DLC1: variants seen among roughly 807,000 people sequenced by gnomAD.
DLC1 encodes the protein DLC1 Rho GTPase activating protein, also known as rho GTPase-activating protein 7.
In DLC1, 54 loss-of-function variants were observed where a neutral mutation model predicts 140.3. The ratio of observed to expected loss-of-function variants is 0.38; its 90% CI spans 0.31 to 0.48. The LOEUF (loss-of-function observed/expected upper bound fraction) is 0.48, where lower values mean the gene tolerates loss of function less well. DLC1 is among the 20% of genes least tolerant of loss of function. The pLI, the probability that DLC1 is intolerant of heterozygous loss-of-function variation, is 0.96. For missense variants in DLC1, 2,536 were observed against 1,907.0 expected (o/e 1.33, Z -6.14); for synonymous variants, 986 against 728.1 (o/e 1.35, Z -5.70).
intron 2 of DLC1, among the ~76,000 whole-genome samples, chr8:13,432,476 A>C (rs555512351): frequency 6.6e-6 from 1 of 152,170 alleles, no homozygotes; most frequent in Admixed American, 6.5e-5. Context: ...CAATATTATA[A>C]CTCATATACA....
At chr8:13,552,951 GA>G (rs1803914534) in intron 1 of DLC1, among the ~76,000 whole-genome samples, 1 of 151,376 alleles carries the variant, frequency 6.6e-6, no homozygotes, top group Admixed American at 6.6e-5. Flanking sequence ...TAATTTTATG[GA>G]AAAGCAGTAT....
chr8:13,369,817 A>G (rs957220101), intron 4 of DLC1, among the ~76,000 whole-genome samples: 1 of 151,206 alleles, frequency 6.6e-6, no homozygotes, highest in Non-Finnish European at 1.5e-5. Flanking sequence ...AAAGTGGTCC[A>G]CTTGAACCCC....
chr8:13,335,133 G>T (rs192916764), intron 4 of DLC1, among the ~76,000 whole-genome samples: 740 of 152,212 alleles, frequency 4.9e-3, no homozygotes, highest in Non-Finnish European at 7.3e-3. Context: ...GACTATGGGG[G>T]CAGGATGAGA....
At position 13,213,957 on chromosome 8, in the gene DLC1, T is replaced by G. The variant is rs184512339; in HGVS notation, c.1348+91312A>C. Among the ~76,000 whole-genome samples the G allele has an allele frequency of 3.2e-3, 490 of 152,202 alleles. 8 individuals are homozygous for G. The highest frequency in any genetic ancestry group is 0.024 in the Admixed American group (367 of 15,284). On this transcript the variant is annotated intron_variant, in intron 5 of 17. Transcript: ENST00000276297. ...TCCCACCATGCCTGGCTAATTTTTGTATGTTTAGTAGAGATGGGGTTTCTC... is the reference window on the plus strand; with the variant it reads ...TCCCACCATGCCTGGCTAATTTTTGGATGTTTAGTAGAGATGGGGTTTCTC...
chr8:13,595,567 A>G (rs564076931), intron 1 of DLC1, among the ~76,000 whole-genome samples: 1 of 152,186 alleles, frequency 6.6e-6, no homozygotes, highest in African/African-American at 2.4e-5. Context: ...TGAGTTCTTT[A>G]TGATTAAGGG....
At chr8:13,185,482 T>A (rs1363637288) in intron 5 of DLC1, among the ~76,000 whole-genome samples, 1 of 151,956 alleles carries the variant, frequency 6.6e-6, no homozygotes, top group Non-Finnish European at 1.5e-5. Flanking sequence ...TAATTTTTTG[T>A]ATTTTTAGTA....
intron 4 of DLC1, among the ~76,000 whole-genome samples, chr8:13,350,452 A>C (rs375291910): frequency 6.6e-6 from 1 of 152,134 alleles, no homozygotes; most frequent in Non-Finnish European, 1.5e-5. Context: ...GTGGTGGCTC[A>C]CGTCTGTAAT....
rs1328478252 is a variant in DLC1 at position 13,086,315 on chromosome 8, T to C, written c.4441A>G (p.Thr1481Ala). ...EPCGPGKSKL[T>A]YMCRVDLRGH... ...CTTAAGTCAACTCTGCACATGTAGGTGAGTTTGGATTTTCCTGGCCCACAG... is the reference window on the plus strand; with the variant it reads ...CTTAAGTCAACTCTGCACATGTAGGCGAGTTTGGATTTTCCTGGCCCACAG... Residue 1481 changes from threonine (T) to alanine (A), a missense_variant, in exon 17 of 18, where the codon ACC becomes GCC. By Grantham distance (58) the Thr-to-Ala change is moderately conservative. Coordinates refer to ENST00000276297, the MANE Select transcript of DLC1 (RefSeq NM_182643.3). The C allele has an allele frequency of 6.2e-7, 1 of 1,614,068 alleles. No homozygotes were observed. Among genetic ancestry groups the C allele is most frequent in the Non-Finnish European group, 8.5e-7 (1 of 1,180,046 alleles).
At chr8:13,364,260 T>C (rs1173682694) in intron 4 of DLC1, among the ~76,000 whole-genome samples, 1 of 152,030 alleles carries the variant, frequency 6.6e-6, no homozygotes, top group Admixed American at 6.6e-5. Context: ...TCTTCGTAGT[T>C]AAAGCTATTT....
At chr8:13,285,161 G>A (rs1309249083) in intron 5 of DLC1, among the ~76,000 whole-genome samples, 1 of 152,154 alleles carries the variant, frequency 6.6e-6, no homozygotes, top group African/African-American at 2.4e-5. Context: ...TCAAGACAGG[G>A]TGGTATTGAT....
intron 1 of DLC1, among the ~76,000 whole-genome samples, chr8:13,511,573 A>G (rs1411559633): frequency 6.6e-6 from 1 of 152,128 alleles, no homozygotes; most frequent in East Asian, 1.9e-4. Context: ...GTCAATCAAG[A>G]GTCATTCTTC....
rs761734934 is a variant in DLC1 at position 13,100,197 on chromosome 8, C to G, written c.2140G>C (p.Val714Leu). ...TTGCCATTGAGGGCGGAGATCTCCA[C>G]GCAGTTGAGCTGCTTCAGCTTCTCC... is the stretch of plus-strand genomic sequence containing the variant. Reference protein sequence around the residue: ...DEEKLKQLNCVEISALNGNRI... With the variant: ...DEEKLKQLNCLEISALNGNRI... Residue 714 changes from valine to leucine, a missense_variant, in exon 9 of 18, where the codon GTG becomes CTG. Physicochemically the swap from Val to Leu is conservative, Grantham distance 32. Transcript: ENST00000276297. 6.2e-7 allele frequency: 1 copy of G among 1,614,166 alleles called. No individual in the cohort carries two copies. The highest frequency in any genetic ancestry group is 8.5e-7 in the Non-Finnish European group (1 of 1,180,046).
chr8:13,279,559 C>G (rs1432621281), intron 5 of DLC1, among the ~76,000 whole-genome samples: 1 of 152,138 alleles, frequency 6.6e-6, no homozygotes, highest in Admixed American at 6.5e-5. Flanking sequence ...GCAAGGCAAA[C>G]TTTAATTATA....
At chr8:13,249,254 T>C (rs575994328) in intron 5 of DLC1, among the ~76,000 whole-genome samples, 1 of 152,284 alleles carries the variant, frequency 6.6e-6, no homozygotes, top group Admixed American at 6.5e-5. Flanking sequence ...TTGTTTTGTA[T>C]TTTTAGTAGA....
At chr8:13,442,666 C>T (rs1035739662) in intron 2 of DLC1, among the ~76,000 whole-genome samples, 1 of 152,222 alleles carries the variant, frequency 6.6e-6, no homozygotes, top group Non-Finnish European at 1.5e-5. Flanking sequence ...TACCATCTCA[C>T]ACCAGTTAAA....
intron 2 of DLC1, among the ~76,000 whole-genome samples, chr8:13,439,886 CACAGAA>C (rs961637634): frequency 6.6e-6 from 1 of 152,162 alleles, no homozygotes; most frequent in African/African-American, 2.4e-5. Flanking sequence ...ACAATCGCCT[CACAGAA>C]GTGAAATTTT....
At chr8:13,576,001 A>G (rs34945202) in intron 1 of DLC1, among the ~76,000 whole-genome samples, 40,343 of 152,092 alleles carry the variant, frequency 0.27, 6,069 homozygotes, top group Non-Finnish European at 0.35. Context: ...TGGCAGAACT[A>G]GAGGGCTAGA....
chr8:13,357,885 T>G (rs941518131), intron 4 of DLC1, among the ~76,000 whole-genome samples: 11 of 152,194 alleles, frequency 7.2e-5, no homozygotes, highest in Admixed American at 6.5e-4. Flanking sequence ...TGGAAGAAAT[T>G]AGAAGAGAGC....
At chr8:13,219,664 T>G (rs1258971873) in intron 5 of DLC1, among the ~76,000 whole-genome samples, 1 of 151,968 alleles carries the variant, frequency 6.6e-6, no homozygotes, top group African/African-American at 2.4e-5. Flanking sequence ...TATCTATATC[T>G]ATATCTCCAA....
Sources: allele counts gnomAD v4.1 joint callset (sites outside exome capture counted in the v4.1 genomes callset), GRCh38; gene constraint gnomAD v4.1.1; transcripts MANE v1.5; gene names NCBI Gene and HGNC (gene_info 2026-07-23, HGNC 2026-07-21).